WWOX: variants seen among roughly 807,000 people sequenced by gnomAD.
WWOX encodes the protein WW domain-containing oxidoreductase.
In WWOX, 69 loss-of-function variants were observed where a neutral mutation model predicts 46.2. The observed-to-expected ratio is 1.49, with a 90% CI of 1.23 to 1.82. WWOX has a LOEUF of 1.82. WWOX is among the 40% of genes most tolerant of loss of function. WWOX has a pLI of 0.00. For synonymous variants in WWOX, 359 were observed against 202.6 expected (o/e 1.77, Z -6.56); for missense variants, 919 against 542.6 (o/e 1.69, Z -6.89).
At chr16:78,683,823 C>T (rs777600976) in intron 8 of WWOX, among the ~76,000 whole-genome samples, 2 of 152,164 alleles carry the variant, frequency 1.3e-5, no homozygotes, top group East Asian at 1.9e-4. Flanking sequence ...GTATGTAATT[C>T]AGATTTTCTG....
At position 78,350,669 on chromosome 16, in the gene WWOX, C is replaced by T. The variant is rs189379449; in HGVS notation, c.517-36191C>T. On this transcript the variant is annotated intron_variant, in intron 5 of 8. Coordinates refer to ENST00000566780, the MANE Select transcript of WWOX (RefSeq NM_016373.4). ...TTAGGGCTGAGTAATATTCCATTTA[C>T]GGATATGCCACATTTCATCTATGCA... Among the ~76,000 whole-genome samples the T allele has an allele frequency of 2.1e-3, 252 of 121,730 alleles. 61 individuals carry two copies. Among genetic ancestry groups the T allele is most frequent in the Admixed American group, 0.018 (220 of 12,482 alleles). 79.9% of individuals were successfully genotyped at this position (121,730 alleles called of 152,430 possible).
chr16:78,696,344 T>A (rs1326806227), intron 8 of WWOX, among the ~76,000 whole-genome samples: 4 of 152,182 alleles, frequency 2.6e-5, no homozygotes, highest in African/African-American at 9.7e-5. Flanking sequence ...CCAGGCAGGG[T>A]CCTAAGTGAC....
intron 8 of WWOX, among the ~76,000 whole-genome samples, chr16:78,649,917 T>G (rs1046546103): frequency 1.5e-4 from 23 of 152,204 alleles, no homozygotes; most frequent in African/African-American, 5.5e-4. Flanking sequence ...TGTGTCTGTG[T>G]TTGGATCAAC....
At chr16:79,180,743 A>G (rs2050894806) in intron 8 of WWOX, among the ~76,000 whole-genome samples, 2 of 151,346 alleles carry the variant, frequency 1.3e-5, no homozygotes, top group Admixed American at 1.3e-4. Context: ...GTCTGTGTAT[A>G]TCTATTCATC....
intron 8 of WWOX, among the ~76,000 whole-genome samples, chr16:79,044,196 G>T (rs1311913810): frequency 6.6e-6 from 1 of 152,168 alleles, no homozygotes; most frequent in African/African-American, 2.4e-5. Flanking sequence ...GGCCCACAGT[G>T]TAGGCATTCA....
At chr16:79,026,984 G>A (rs1378853321) in intron 8 of WWOX, among the ~76,000 whole-genome samples, 1 of 150,788 alleles carries the variant, frequency 6.6e-6, no homozygotes, top group African/African-American at 2.5e-5. Flanking sequence ...ATAAAGAAAA[G>A]TTAACACAGT....
intron 8 of WWOX, among the ~76,000 whole-genome samples, chr16:79,018,359 G>C (rs568123447): frequency 6.6e-6 from 1 of 152,258 alleles, no homozygotes; most frequent in Admixed American, 6.5e-5. Flanking sequence ...ATAGTGCTCT[G>C]TAAACATTAT....
At chr16:78,791,398 C>T (rs1001304041) in intron 8 of WWOX, among the ~76,000 whole-genome samples, 1 of 152,128 alleles carries the variant, frequency 6.6e-6, no homozygotes, top group African/African-American at 2.4e-5. Flanking sequence ...CTGGCATGGG[C>T]AGTGGAGACA....
intron 5 of WWOX, among the ~76,000 whole-genome samples, chr16:78,223,316 G>T (rs1381994697): frequency 2.0e-5 from 3 of 152,114 alleles, no homozygotes; most frequent in Admixed American, 2.0e-4. Flanking sequence ...ATGCACAGGC[G>T]CATCCTACAA....
intron 5 of WWOX, among the ~76,000 whole-genome samples, chr16:78,316,917 T>A (rs1236641648): frequency 6.6e-6 from 1 of 152,228 alleles, no homozygotes; most frequent in African/African-American, 2.4e-5. Flanking sequence ...TGTGAATTCA[T>A]TATTCGTTTT....
chr16:78,487,276 C>G (rs540018468), intron 8 of WWOX, among the ~76,000 whole-genome samples: 12 of 151,942 alleles, frequency 7.9e-5, no homozygotes, highest in Admixed American at 7.2e-4. Context: ...CTAGGTTTCC[C>G]TGAATGACTA....
At chr16:78,719,043 A>G (rs1367406242) in intron 8 of WWOX, among the ~76,000 whole-genome samples, 1 of 152,152 alleles carries the variant, frequency 6.6e-6, no homozygotes, top group Non-Finnish European at 1.5e-5. Flanking sequence ...GACAAGTAGA[A>G]CTTAGTTCCA....
chr16:79,084,530 C>T (rs574724676), intron 8 of WWOX, among the ~76,000 whole-genome samples: 2 of 152,052 alleles, frequency 1.3e-5, no homozygotes, highest in African/African-American at 4.8e-5. Flanking sequence ...AGTCGATTCT[C>T]CTGCCTCCTG....
In WWOX at chr16:78,600,350, G is replaced by A. The variant is rs577680576; in HGVS notation, c.1056+167598G>A. ...GACCAAGTAGAGACTCAGCATAGCTGGAGGGGGGGCCCCAGATGACGGAAA... is the reference window on the plus strand; with the variant it reads ...GACCAAGTAGAGACTCAGCATAGCTAGAGGGGGGGCCCCAGATGACGGAAA... On this transcript the variant is annotated intron_variant, in intron 8 of 8. Transcript: ENST00000566780. 2.0e-5 allele frequency among the ~76,000 whole-genome samples: 3 copies of A among 152,230 alleles called. 1 individual carries two copies. Among genetic ancestry groups the A allele is most frequent in the Admixed American group, 2.0e-4 (3 of 15,300 alleles).
intron 8 of WWOX, among the ~76,000 whole-genome samples, chr16:78,679,176 G>A (rs994265671): frequency 6.6e-6 from 1 of 151,954 alleles, no homozygotes; most frequent in African/African-American, 2.4e-5. Flanking sequence ...CCTGCTTTGT[G>A]AAAGGTAGAG....
intron 8 of WWOX, among the ~76,000 whole-genome samples, chr16:79,082,116 A>G (rs567048066): frequency 4.1e-4 from 62 of 152,242 alleles, no homozygotes; most frequent in Non-Finnish European, 8.2e-4. Flanking sequence ...TGAGCCTAGA[A>G]CCTCTTCACT....
intron 8 of WWOX, among the ~76,000 whole-genome samples, chr16:78,778,596 G>A (rs1373435295): frequency 6.6e-6 from 1 of 152,128 alleles, no homozygotes; most frequent in African/African-American, 2.4e-5. Context: ...TGAAATTCAA[G>A]GTGTGGTCTC....
intron 8 of WWOX, among the ~76,000 whole-genome samples, chr16:78,802,916 A>G (rs1274669573): frequency 1.7e-4 from 11 of 66,520 alleles, no homozygotes; most frequent in African/African-American, 3.6e-4. Flanking sequence ...ACTTCATCTG[A>G]AAAAAAAAAA....
intron 8 of WWOX, 24 bp from the exon 9 acceptor site, chr16:79,211,584 T>G (rs201198622): frequency 6.2e-7 from 1 of 1,614,092 alleles, no homozygotes; most frequent in African/African-American, 1.3e-5. Context: ...AAATTTTTTT[T>G]TGTCTTTCTT....
Sources: allele counts gnomAD v4.1 joint callset (sites outside exome capture counted in the v4.1 genomes callset), GRCh38; gene constraint gnomAD v4.1.1; transcripts MANE v1.5; gene names NCBI Gene and HGNC (gene_info 2026-07-23, HGNC 2026-07-21).